TEAD1: variants seen among roughly 807,000 people sequenced by gnomAD.
The protein encoded by TEAD1 is TEA domain transcription factor 1.
In TEAD1, 9 loss-of-function variants were observed where a neutral mutation model predicts 54.9. The observed-to-expected ratio is 0.16, with a 90% CI of 0.10 to 0.29. The LOEUF (loss-of-function observed/expected upper bound fraction) is 0.29, where lower values mean the gene tolerates loss of function less well. TEAD1 is among the 10% of genes least tolerant of loss of function. The pLI is 1.00. For missense variants in TEAD1, 387 were observed against 535.9 expected, an observed-to-expected ratio of 0.72 and a Z score of 2.74; for synonymous variants, 200 against 187.8, an observed-to-expected ratio of 1.07 and a Z score of -0.53.
chr11:12,747,224 G>A (rs1024510113), intron 2 of TEAD1, among the ~76,000 whole-genome samples: 1 of 152,174 alleles, frequency 6.6e-6, no homozygotes, highest in Non-Finnish European at 1.5e-5. Context: ...CTGGAGTGGG[G>A]TGCAGAAATG....
chr11:12,775,486 C>T (rs1369612866), intron 3 of TEAD1, among the ~76,000 whole-genome samples: 2 of 152,158 alleles, frequency 1.3e-5, no homozygotes, highest in Admixed American at 6.5e-5. Flanking sequence ...TTCCATTTTA[C>T]GTGAAAGCGT....
At chr11:12,935,613 C>G (rs569976588) in intron 12 of TEAD1, among the ~76,000 whole-genome samples, 1 of 152,260 alleles carries the variant, frequency 6.6e-6, no homozygotes, top group Admixed American at 6.5e-5. Flanking sequence ...GCTCCCGCCA[C>G]TGTGCCCAGC....
chr11:12,786,487 A>G (rs1368565802), intron 3 of TEAD1, among the ~76,000 whole-genome samples: 1 of 152,204 alleles, frequency 6.6e-6, no homozygotes, highest in Non-Finnish European at 1.5e-5. Context: ...CGGGAGGCCC[A>G]GTTAAATTGG....
chr11:12,893,422 C>A (rs1948240072), intron 9 of TEAD1, among the ~76,000 whole-genome samples: 1 of 152,196 alleles, frequency 6.6e-6, no homozygotes, highest in Admixed American at 6.5e-5. Flanking sequence ...AGACATTGTA[C>A]TGTGTTTCTA....
intron 2 of TEAD1, among the ~76,000 whole-genome samples, chr11:12,712,505 G>C (rs1274109478): frequency 6.6e-6 from 1 of 152,094 alleles, no homozygotes; most frequent in Non-Finnish European, 1.5e-5. Context: ...GCCCTCAGTT[G>C]GTAAAATGGA....
intron 2 of TEAD1, among the ~76,000 whole-genome samples, chr11:12,762,991 A>C (rs1945131176): frequency 6.6e-6 from 1 of 152,202 alleles, no homozygotes; most frequent in East Asian, 1.9e-4. Flanking sequence ...CTCCCTACTC[A>C]GGCCCTTGGC....
intron 3 of TEAD1, among the ~76,000 whole-genome samples, chr11:12,830,532 T>A (rs142730992): frequency 1.3e-5 from 2 of 152,036 alleles, no homozygotes; most frequent in Non-Finnish European, 2.9e-5. Context: ...CCTCCTCTTG[T>A]CTGGGAGACT....
Position 12,803,507 on chromosome 11 carries a change from A to T in TEAD1, c.202+39073A>T, listed in dbSNP as rs567918087. Among the ~76,000 whole-genome samples the T allele has an allele frequency of 2.0e-5, 3 of 152,382 alleles. No homozygotes were observed. In the East Asian group the frequency reaches 5.8e-4, roughly 29 times the overall value. On this transcript the variant is annotated intron_variant, in intron 3 of 12. Transcript: ENST00000527636. Reference sequence around the variant, plus strand: ...CTTTTTTATAAGCCATGCAATGAAGATAATTTTCATAGCTTTCATGGACTG... The same window carrying T: ...CTTTTTTATAAGCCATGCAATGAAGTTAATTTTCATAGCTTTCATGGACTG...
At chr11:12,881,846 C>G (rs1392303359) in intron 7 of TEAD1, 50 bp from the exon 8 acceptor site, 1 of 1,599,018 alleles carries the variant, frequency 6.3e-7, no homozygotes, top group Non-Finnish European at 8.6e-7. Context: ...GTAATAGCCC[C>G]TGCTGCAGAT....
intron 12 of TEAD1, among the ~76,000 whole-genome samples, chr11:12,934,318 C>T (rs1347548378): frequency 6.6e-6 from 1 of 152,002 alleles, no homozygotes. Flanking sequence ...TGTTCTCACT[C>T]ATAGGTGGGA....
Position 12,930,339 on chromosome 11 carries a change from T to A in TEAD1, c.1167+13T>A, listed in dbSNP as rs771355128. On this transcript the variant is annotated intron_variant, in intron 12 of 12. Transcript: ENST00000527636. ...CACAATTTTATTGGTAATGGTTTTG[T>A]CTCTTTCCTCTGTGGGCAGATGCTG... is the stretch of plus-strand genomic sequence containing the variant. The A allele has an allele frequency of 6.2e-7, 1 of 1,614,064 alleles. No homozygotes were observed. The highest frequency in any genetic ancestry group is 8.5e-7 in the Non-Finnish European group (1 of 1,179,974).
intron 2 of TEAD1, among the ~76,000 whole-genome samples, chr11:12,704,452 C>T (rs73421951): frequency 0.052 from 7,884 of 152,298 alleles, 731 homozygotes; most frequent in African/African-American, 0.18. Flanking sequence ...TTGCTTCCAC[C>T]GGCATCTGCC....
chr11:12,921,982 G>A (rs1451119789), intron 10 of TEAD1, among the ~76,000 whole-genome samples: 1 of 152,168 alleles, frequency 6.6e-6, no homozygotes, highest in Admixed American at 6.5e-5. Context: ...AATGCAGAAT[G>A]TGAGGAAAGC....
intron 3 of TEAD1, among the ~76,000 whole-genome samples, chr11:12,793,455 G>T (rs768941148): frequency 5.3e-5 from 8 of 151,876 alleles, no homozygotes; most frequent in Non-Finnish European, 8.8e-5. Flanking sequence ...TAGTTTTTTT[G>T]ATTTTTATTT....
At chr11:12,749,076 A>G (rs954984218) in intron 2 of TEAD1, among the ~76,000 whole-genome samples, 4 of 152,172 alleles carry the variant, frequency 2.6e-5, no homozygotes, top group Non-Finnish European at 5.9e-5. Flanking sequence ...ATCCTTAATC[A>G]GCAATGTGAT....
At chr11:12,777,537 G>A (rs1945455511) in intron 3 of TEAD1, among the ~76,000 whole-genome samples, 1 of 152,192 alleles carries the variant, frequency 6.6e-6, no homozygotes, top group African/African-American at 2.4e-5. Context: ...GAGAGGTTTG[G>A]TGCATGATAA....
At chr11:12,724,215 T>C (rs1944268584) in intron 2 of TEAD1, among the ~76,000 whole-genome samples, 1 of 152,206 alleles carries the variant, frequency 6.6e-6, no homozygotes, top group Admixed American at 6.5e-5. Context: ...GCACGTAGTT[T>C]ATTGAGCTCG....
At chr11:12,927,400 A>G (rs1309635424) in intron 11 of TEAD1, among the ~76,000 whole-genome samples, 1 of 152,142 alleles carries the variant, frequency 6.6e-6, no homozygotes, top group Admixed American at 6.5e-5. Flanking sequence ...TATTCCACCC[A>G]CTATTTGTGT....
At chr11:12,681,512 G>C (rs1428233589) in intron 2 of TEAD1, among the ~76,000 whole-genome samples, 1 of 152,230 alleles carries the variant, frequency 6.6e-6, no homozygotes, top group Non-Finnish European at 1.5e-5. Flanking sequence ...AATGCTTCCA[G>C]AACACCACTC....
Sources: allele counts gnomAD v4.1 joint callset (sites outside exome capture counted in the v4.1 genomes callset), GRCh38; gene constraint gnomAD v4.1.1; transcripts MANE v1.5; gene names NCBI Gene and HGNC (gene_info 2026-07-23, HGNC 2026-07-21).